TLN1: variants seen among roughly 807,000 people sequenced by gnomAD.
The protein encoded by TLN1 is talin 1.
TLN1 carries 56 observed loss-of-function variants against 292.3 expected under a neutral mutation model. That is an observed-to-expected ratio of 0.19 (90% confidence interval 0.15 to 0.24). TLN1 has a LOEUF of 0.24. TLN1 is among the 10% of genes least tolerant of loss of function. TLN1 has a pLI of 1.00. For synonymous variants in TLN1, 1,119 were observed against 1,253.7 expected, an observed-to-expected ratio of 0.89 and a Z score of 2.27; for missense variants, 2,433 against 3,248.2, an observed-to-expected ratio of 0.75 and a Z score of 6.10.
At position 35,721,740 on chromosome 9, in the gene TLN1, T is replaced by C; in HGVS notation, c.1012A>G (p.Met338Val). The C allele has an allele frequency of 6.2e-7, 1 of 1,614,130 alleles. No individual in the cohort carries two copies. The highest frequency in any genetic ancestry group is 8.5e-7 in the Non-Finnish European group (1 of 1,179,972). The change falls in exon 10 of 57, where the codon ATG (methionine) becomes GTG (valine). Residue 338 changes from methionine (M) to valine (V), a missense_variant. Met to Val is a conservative substitution (Grantham distance 21, BLOSUM62 1). Coordinates refer to ENST00000314888, the MANE Select transcript of TLN1 (RefSeq NM_006289.4). ...TCCTTGGTCTTCTCATCCACTCGCA[T>C]CACACACTCCTTGGTGATGCCCAGA... ...RLLGITKECV[M>V]RVDEKTKEVI...
At chr9:35,716,907 G>A (rs1234643793) in intron 19 of TLN1, among the ~76,000 whole-genome samples, 8 of 152,146 alleles carry the variant, frequency 5.3e-5, no homozygotes, top group South Asian at 4.1e-4. Context: ...ATTTTTGTGC[G>A]TACTTTGGTA....
intron 33 of TLN1, 134 bp downstream of exon 33, chr9:35,710,427 G>A: frequency 1.5e-6 from 2 of 1,291,102 alleles, no homozygotes; most frequent in African/African-American, 1.5e-5. Context: ...ACTTCAGGAG[G>A]AGGACAACCC....
chr9:35,729,052 T>C (rs1826024874), intron 1 of TLN1, among the ~76,000 whole-genome samples: 2 of 102,302 alleles, frequency 2.0e-5, no homozygotes, highest in Non-Finnish European at 3.9e-5. Flanking sequence ...TAAAAAACAA[T>C]AGTGATCTGC....
chr9:35,718,315 G>C (rs1353968547), intron 17 of TLN1, among the ~76,000 whole-genome samples: 1 of 152,244 alleles, frequency 6.6e-6, no homozygotes, highest in Admixed American at 6.5e-5. Context: ...ATGCGGCTCA[G>C]AGAGGACAAA....
At chr9:35,709,910 A>G (rs1325229630) in intron 33 of TLN1, among the ~76,000 whole-genome samples, 5 of 130,326 alleles carry the variant, frequency 3.8e-5, no homozygotes. Flanking sequence ...AAAAAAAAAA[A>G]AAAAGAAAGT....
rs773023175 is a variant in TLN1, at chr9:35,716,456, G to A, written c.2559C>T (p.Ser853=). Residue 853 remains serine (S), a synonymous_variant, in exon 20 of 57, where the codon TCC becomes TCT. Coordinates refer to ENST00000314888, the MANE Select transcript of TLN1 (RefSeq NM_006289.4). ...DAEGESDLEN[S]RKLLSAAKIL... The stretch of plus-strand genomic sequence containing the variant: ...TCTTGGCAGCACTTAAGAGCTTGCG[G>A]GAGTTCTCCAGATCACTTTCCCCCT... The A allele has an allele frequency of 2.4e-5, 39 of 1,614,086 alleles. No individual in the cohort carries two copies. The highest frequency in any genetic ancestry group is 3.3e-5 in the Non-Finnish European group (39 of 1,180,048).
intron 1 of TLN1, among the ~76,000 whole-genome samples, chr9:35,727,910 T>A (rs1587992291): frequency 6.6e-6 from 1 of 151,914 alleles, no homozygotes; most frequent in East Asian, 1.9e-4. Flanking sequence ...TACAAGAGGG[T>A]GTGTGGACGC....
intron 33 of TLN1, 152 bp from the exon 34 acceptor site, chr9:35,708,636 T>A: frequency 1.5e-6 from 1 of 660,138 alleles, no homozygotes; most frequent in Non-Finnish European, 2.2e-6. Context: ...TAGCAAACAA[T>A]GGTTACACTA....
intron 20 of TLN1, 71 bp downstream of exon 20, chr9:35,716,319 A>G (rs1305425477): frequency 3.9e-6 from 6 of 1,547,718 alleles, no homozygotes; most frequent in African/African-American, 1.4e-5. Context: ...TCATCAGATG[A>G]GGGTGACCAT....
chr9:35,720,994 T>C (rs188924144), intron 10 of TLN1, 81 bp from the exon 11 acceptor site: 32 of 1,054,198 alleles, frequency 3.0e-5, no homozygotes, highest in Non-Finnish European at 3.9e-5. Flanking sequence ...GGCCCAAGGT[T>C]GAGCTGATGA....
chr9:35,699,016 A>T lies in TLN1; in HGVS notation c.6999+16T>A. The T allele has an allele frequency of 1.2e-6, 2 of 1,608,430 alleles. No homozygotes were observed. Among genetic ancestry groups the T allele is most frequent in the South Asian group, 1.1e-5 (1 of 90,958 alleles). On this transcript the variant is annotated intron_variant, in intron 52 of 56. Transcript: ENST00000314888. This position sits in a 1 kb window ranked among gnomAD's most constrained non-coding sequence, Gnocchi z 4.0. ...CTGCCATGGTGAGGGTGGAAGAGGAAGGGAGCAGGACTGACCTTGGGTTTG... is the reference window on the plus strand; with the variant it reads ...CTGCCATGGTGAGGGTGGAAGAGGATGGGAGCAGGACTGACCTTGGGTTTG...
rs1563944997 is a variant in TLN1 at position 35,717,921 on chromosome 9, C to T, written c.1996-135G>A. On this transcript the variant is annotated intron_variant, in intron 17 of 56. Transcript: ENST00000314888. The surrounding 1 kb of genome is among the most constrained non-coding windows in gnomAD (Gnocchi z 4.7). ...TGTACGCAGAAGCAACCAGAACCTA[C>T]CCCGAGCTACTGCCCTGAGCACCCA... The T allele has an allele frequency of 3.9e-6, 4 of 1,035,026 alleles. No homozygotes were observed. The highest frequency in any genetic ancestry group is 5.5e-6 in the Non-Finnish European group (4 of 728,472). 64.1% of individuals were successfully genotyped at this position (1,035,026 alleles called of 1,614,324 possible). A position where few individuals can be genotyped will look rare whatever the true frequency, so the allele number is the denominator to read the frequency against.
intron 17 of TLN1, among the ~76,000 whole-genome samples, chr9:35,718,017 C>T (rs1825815780): frequency 6.6e-6 from 1 of 152,152 alleles, no homozygotes; most frequent in African/African-American, 2.4e-5. Context: ...AATGGAGACA[C>T]ACATGAGGCG....
intron 46 of TLN1, 25 bp downstream of exon 46, chr9:35,703,966 G>A (rs773277064): frequency 1.2e-5 from 20 of 1,612,178 alleles, no homozygotes; most frequent in Non-Finnish European, 1.6e-5. Flanking sequence ...GATTCCAGCC[G>A]GAATTAGGGG....
Position 35,706,750 on chromosome 9 carries a change from TA to T in TLN1, c.5088+17del. ...CTCTTCCTAGACACATCTTTCCATATAACCCTCTCCCTCTCACCTCTTGAGA... is the reference window on the plus strand; with the variant it reads ...CTCTTCCTAGACACATCTTTCCATATACCCTCTCCCTCTCACCTCTTGAGA... On this transcript the variant is annotated intron_variant, in intron 38 of 56. Transcript: ENST00000314888. The surrounding 1 kb of genome is among the most constrained non-coding windows in gnomAD (Gnocchi z 4.2). 6.2e-7 allele frequency: 1 copy of T among 1,611,986 alleles called. No homozygotes were observed. Among genetic ancestry groups the T allele is most frequent in the Non-Finnish European group, 8.5e-7 (1 of 1,179,132 alleles).
chr9:35,721,856 T>C (rs2131904689), intron 9 of TLN1, 53 bp from the exon 10 acceptor site: 1 of 1,590,848 alleles, frequency 6.3e-7, no homozygotes, highest in East Asian at 2.3e-5. Context: ...AAATGAGAGG[T>C]GAATGATCAG....
intron 43 of TLN1, among the ~76,000 whole-genome samples, chr9:35,705,026 C>A (rs1825540608): frequency 6.6e-6 from 1 of 152,154 alleles, no homozygotes. Context: ...AGCACGCAGG[C>A]ACTAAGTGGT....
intron 1 of TLN1, among the ~76,000 whole-genome samples, chr9:35,726,103 G>A (rs531702571): frequency 1.8e-4 from 28 of 152,148 alleles, no homozygotes; most frequent in African/African-American, 6.7e-4. Context: ...TAGTAGAGAC[G>A]GGGTTTCACC....
In TLN1 at chr9:35,708,322, C is replaced by T. The variant is rs200358593; in HGVS notation, c.4470+19G>A. ...GCCCTTTCCCAGACTCGCCTGTGGT[C>T]CCTGTTCCCTTGAGTTACCTGGGCC... is the stretch of plus-strand genomic sequence containing the variant. On this transcript the variant is annotated intron_variant, in intron 34 of 56. Transcript: ENST00000314888. 6.6e-4 allele frequency: 1,046 copies of T among 1,585,702 alleles called. 2 individuals are homozygous for T. Among genetic ancestry groups the T allele is most frequent in the Admixed American group, 1.6e-3 (89 of 56,318 alleles).
Sources: allele counts gnomAD v4.1 joint callset (sites outside exome capture counted in the v4.1 genomes callset), GRCh38; gene constraint gnomAD v4.1.1; non-coding constraint Gnocchi (gnomAD v3.1); transcripts MANE v1.5; gene names NCBI Gene and HGNC (gene_info 2026-07-23, HGNC 2026-07-21).